Variants in ETV6 observed in about 807,000 individuals in gnomAD.
ETV6 encodes ETS variant transcription factor 6.
In ETV6, 16 loss-of-function variants were observed where a neutral mutation model predicts 51.1. The ratio of observed to expected loss-of-function variants is 0.31; its 90% confidence interval spans 0.21 to 0.48. The LOEUF is 0.48. Among genes scored for constraint, ETV6 ranks in the 20% least tolerant of loss-of-function variants. The pLI, the probability that ETV6 is intolerant of heterozygous loss-of-function variation, is 0.99. For missense variants in ETV6, 458 were observed against 594.8 expected, an observed-to-expected ratio of 0.77 and a Z score of 2.39; for synonymous variants, 240 against 224.1, an observed-to-expected ratio of 1.07 and a Z score of -0.64.
chr12:11,800,046 T>C (rs1945724856), intron 2 of ETV6, among the ~76,000 whole-genome samples: 1 of 152,228 alleles, frequency 6.6e-6, no homozygotes, highest in Admixed American at 6.5e-5. Flanking sequence ...GCAGGGCTTA[T>C]ATTTGAGTTT....
rs189026711 is a variant in ETV6 at position 11,792,142 on chromosome 12, C to A, written c.163+39563C>A. Among the ~76,000 whole-genome samples, 259 of 152,336 alleles carry A rather than the reference C, an allele frequency of 1.7e-3. 2 individuals are homozygous for A. The highest frequency in any genetic ancestry group is 2.7e-3 in the Non-Finnish European group (183 of 68,028). On this transcript the variant is annotated intron_variant, in intron 2 of 7. Transcript: ENST00000396373. ...TATAGAACACCTGGAAACCAAGGCACTATGCTGGGCCCTCCTTCTGTACAG... is the reference window on the plus strand; with the variant it reads ...TATAGAACACCTGGAAACCAAGGCAATATGCTGGGCCCTCCTTCTGTACAG...
At chr12:11,811,093 G>GT (rs1179808093) in intron 2 of ETV6, among the ~76,000 whole-genome samples, 1 of 152,116 alleles carries the variant, frequency 6.6e-6, no homozygotes, top group Non-Finnish European at 1.5e-5. Flanking sequence ...TCTTTTCAGG[G>GT]TTTTTCCCCC....
intron 2 of ETV6, among the ~76,000 whole-genome samples, chr12:11,762,392 T>TC (rs1205056779): frequency 6.6e-6 from 1 of 152,238 alleles, no homozygotes; most frequent in East Asian, 1.9e-4. Flanking sequence ...TGTTTGCCTT[T>TC]CCTGTAACCT....
intron 2 of ETV6, among the ~76,000 whole-genome samples, chr12:11,774,238 G>C (rs747591569): frequency 6.6e-6 from 1 of 152,206 alleles, no homozygotes; most frequent in Admixed American, 6.5e-5. Context: ...AGCAGTTTCA[G>C]GTCCACGGTT....
intron 5 of ETV6, among the ~76,000 whole-genome samples, chr12:11,881,309 T>C (rs899522900): frequency 1.3e-5 from 2 of 152,208 alleles, no homozygotes; most frequent in African/African-American, 4.8e-5. Flanking sequence ...TGGAAGAGAT[T>C]ATGGAAAATT....
intron 3 of ETV6, among the ~76,000 whole-genome samples, chr12:11,848,284 A>T (rs1427922398): frequency 6.6e-6 from 1 of 152,236 alleles, no homozygotes; most frequent in African/African-American, 2.4e-5. Context: ...TCGGAGAAGA[A>T]AAATAGCTTC....
chr12:11,831,559 G>A (rs1036389538), intron 2 of ETV6, among the ~76,000 whole-genome samples: 1 of 152,190 alleles, frequency 6.6e-6, no homozygotes, highest in Admixed American at 6.5e-5. Flanking sequence ...AGTAAAACAT[G>A]CTTAATAGAG....
intron 2 of ETV6, among the ~76,000 whole-genome samples, chr12:11,822,977 G>A (rs73052069): frequency 0.059 from 8,963 of 152,156 alleles, 364 homozygotes; most frequent in Non-Finnish European, 0.086. Context: ...ATCAGTACAT[G>A]ACAGCATCCT....
rs1429552821 is a variant in ETV6, at chr12:11,891,812, G to C, written c.*766G>C. The C allele has an allele frequency of 2.9e-6, 1 of 343,976 alleles. No individual in the cohort carries two copies. 21.3% of individuals were successfully genotyped at this position (343,976 alleles called of 1,614,324 possible). ...TGACCCGGGTGCTTTGTGGCCAGCA[G>C]CACAGAATCAAACCCGCATCCCAGC... On this transcript the variant is annotated 3_prime_UTR_variant, in exon 8 of 8. Transcript: ENST00000396373.
At chr12:11,751,602 T>A (rs1042585017) in intron 1 of ETV6, among the ~76,000 whole-genome samples, 1 of 152,254 alleles carries the variant, frequency 6.6e-6, no homozygotes, top group Admixed American at 6.5e-5. Flanking sequence ...TCACCCCATC[T>A]AGTTTGTTTT....
intron 1 of ETV6, among the ~76,000 whole-genome samples, chr12:11,673,159 C>T (rs1372789749): frequency 1.3e-5 from 2 of 152,174 alleles, no homozygotes; most frequent in Non-Finnish European, 2.9e-5. Flanking sequence ...GGGTGCCAAG[C>T]TGCAGTGTTC....
At chr12:11,753,613 A>C (rs1396438314) in intron 2 of ETV6, among the ~76,000 whole-genome samples, 1 of 152,126 alleles carries the variant, frequency 6.6e-6, no homozygotes, top group Admixed American at 6.5e-5. Flanking sequence ...CACCCTCCTC[A>C]GAAGGTTGCT....
chr12:11,756,207 T>C (rs1945004942), intron 2 of ETV6, among the ~76,000 whole-genome samples: 1 of 152,280 alleles, frequency 6.6e-6, no homozygotes, highest in South Asian at 2.1e-4. Flanking sequence ...CAAAGAAGCC[T>C]GGGCAGAGTG....
At chr12:11,840,667 C>A (rs1283264202) in intron 3 of ETV6, 3 of 333,206 alleles carry the variant, frequency 9.0e-6, no homozygotes, top group African/African-American at 4.3e-5. Flanking sequence ...TGCCACAGAC[C>A]GTTTATATGA....
At chr12:11,682,384 C>T (rs1864548068) in intron 1 of ETV6, among the ~76,000 whole-genome samples, 1 of 152,190 alleles carries the variant, frequency 6.6e-6, no homozygotes, top group African/African-American at 2.4e-5. Flanking sequence ...AGTGTCTGTT[C>T]ATATCCTTTG....
intron 2 of ETV6, among the ~76,000 whole-genome samples, chr12:11,799,851 G>A (rs369178520): frequency 1.3e-5 from 2 of 152,136 alleles, no homozygotes; most frequent in African/African-American, 2.4e-5. Context: ...CTGCAGCCTC[G>A]ATGGCCTGGG....
At chr12:11,877,976 C>CA (rs769121453) in intron 5 of ETV6, among the ~76,000 whole-genome samples, 1 of 152,184 alleles carries the variant, frequency 6.6e-6, no homozygotes, top group Non-Finnish European at 1.5e-5. Context: ...GTACAGCCAG[C>CA]ACAACTGCCT....
In ETV6 at chr12:11,858,406, T is replaced by TATA. The variant is rs200339462; in HGVS notation, c.463+4845_463+4846insATA. On this transcript the variant is annotated intron_variant, in intron 4 of 7. Transcript: ENST00000396373. ...TATCCCCTTAAATATATATATATAT[T>TATA]TTTTTTTAATTGTCATTTGTCCTCT... is the stretch of plus-strand genomic sequence containing the variant. Among the ~76,000 whole-genome samples, 117 of 147,980 alleles carry TATA rather than the reference T, an allele frequency of 7.9e-4. 2 individuals carry two copies. Among genetic ancestry groups the TATA allele is most frequent in the South Asian group, 6.6e-3 (31 of 4,694 alleles).
chr12:11,726,804 T>C (rs1865496746), intron 1 of ETV6, among the ~76,000 whole-genome samples: 1 of 152,180 alleles, frequency 6.6e-6, no homozygotes. Flanking sequence ...GGATTAAGCA[T>C]ATGAGTACTT....
Sources: gnomAD v4.1 joint callset for allele counts (sites outside exome capture counted in the v4.1 genomes callset) on GRCh38, gnomAD v4.1.1 for gene constraint, MANE v1.5 for transcripts, NCBI Gene and HGNC (gene_info 2026-07-23, HGNC 2026-07-21) for gene names.